Variants in RNF111 observed in about 807,000 individuals in gnomAD.
RNF111 encodes the protein E3 ubiquitin-protein ligase Arkadia.
Under a neutral mutation model 95.1 loss-of-function variants are expected in RNF111, and 17 were observed. The observed-to-expected ratio is 0.18, with a 90% CI of 0.12 to 0.27. The LOEUF (loss-of-function observed/expected upper bound fraction) is 0.27, where lower values mean the gene tolerates loss of function less well. RNF111 is among the 10% of genes least tolerant of loss of function. The pLI is 1.00. For synonymous variants in RNF111, 440 were observed against 414.8 expected (o/e 1.06, Z -0.74); for missense variants, 1,189 against 1,210.4 (o/e 0.98, Z 0.26).
intron 1 of RNF111, among the ~76,000 whole-genome samples, chr15:58,989,683 A>G (rs1298593260): frequency 6.6e-6 from 1 of 152,202 alleles, no homozygotes; most frequent in Non-Finnish European, 1.5e-5. Context: ...ATCTTAACGA[A>G]TTTCACTTTG....
intron 1 of RNF111, among the ~76,000 whole-genome samples, chr15:59,022,126 C>G (rs1390821646): frequency 6.6e-6 from 1 of 152,106 alleles, no homozygotes; most frequent in Non-Finnish European, 1.5e-5. Flanking sequence ...GCCCAAAGTG[C>G]TGGGATTACA....
intron 6 of RNF111, among the ~76,000 whole-genome samples, chr15:59,073,859 A>G (rs1321227652): frequency 1.3e-5 from 2 of 152,184 alleles, no homozygotes; most frequent in East Asian, 1.9e-4. Context: ...TATTTCTTTA[A>G]TAGTAAGACT....
Position 59,031,205 on chromosome 15 carries a change from A to G in RNF111, c.383A>G (p.Glu128Gly). ...LRQHLGTPSD[E>G]DNDSSFSDCL... ...CAACACCTAGGGACACCAAGTGATG[A>G]AGATAATGATTCCTCTTTTAGTGAT... The change falls in exon 2 of 14, where the codon GAA becomes GGA. Residue 128 changes from glutamate to glycine, a missense_variant. This residue lies in a region of RNF111 where 1,024 missense variants were observed against 925.9 expected (regional missense o/e 1.11). Coordinates refer to ENST00000348370, the MANE Select transcript of RNF111 (RefSeq NM_017610.8). 1 of 1,614,232 alleles carries G rather than the reference A, an allele frequency of 6.2e-7. No individual in the cohort carries two copies. The highest frequency in any genetic ancestry group is 8.5e-7 in the Non-Finnish European group (1 of 1,180,032).
rs900290261 is a variant in RNF111, at chr15:59,096,020, G to A, written c.*1120G>A. On this transcript the variant is annotated 3_prime_UTR_variant, in exon 14 of 14. Coordinates refer to ENST00000348370, the MANE Select transcript of RNF111 (RefSeq NM_017610.8). ...ACAGTAAATCTGCAGATACTGTGAG[G>A]CACAAATTATACTGTCAACCTACTG... 2.5e-6 allele frequency: 1 copy of A among 398,526 alleles called. No homozygotes were observed. The highest frequency in any genetic ancestry group is 3.6e-5 in the East Asian group (1 of 27,960). The allele number at this position is 398,526 out of a possible 1,614,324, so 24.7% of individuals were successfully genotyped here.
At chr15:59,069,415 CAA>C (rs764199938) in intron 6 of RNF111, among the ~76,000 whole-genome samples, 1 of 152,030 alleles carries the variant, frequency 6.6e-6, no homozygotes, top group Non-Finnish European at 1.5e-5. Flanking sequence ...AAAGAGCTGC[CAA>C]AAGTCTCATT....
chr15:59,003,612 G>T (rs1367794215), intron 1 of RNF111, among the ~76,000 whole-genome samples: 2 of 152,146 alleles, frequency 1.3e-5, no homozygotes, highest in Non-Finnish European at 2.9e-5. Context: ...GTGTTGCCCA[G>T]GCTGGTCTTG....
At chr15:59,066,208 G>T (rs555151736) in intron 5 of RNF111, among the ~76,000 whole-genome samples, 3 of 152,144 alleles carry the variant, frequency 2.0e-5, no homozygotes, top group Non-Finnish European at 4.4e-5. Context: ...ATGATCTATT[G>T]CCATACTTAC....
At chr15:58,989,375 T>A (rs1257907807) in intron 1 of RNF111, among the ~76,000 whole-genome samples, 1 of 152,244 alleles carries the variant, frequency 6.6e-6, no homozygotes, top group Non-Finnish European at 1.5e-5. Context: ...CAAATGACTT[T>A]ATCATCTCTC....
At chr15:59,049,284 T>C (rs1343112067) in intron 2 of RNF111, 4 of 152,260 alleles carry the variant, frequency 2.6e-5, no homozygotes, top group African/African-American at 9.7e-5. Context: ...AGTTTTTGTC[T>C]TTTTATGACT....
intron 1 of RNF111, among the ~76,000 whole-genome samples, chr15:58,997,205 CTT>C (rs1335952828): frequency 8.5e-5 from 13 of 152,222 alleles, no homozygotes; most frequent in African/African-American, 2.9e-4. Context: ...TGACCCAAGT[CTT>C]TTCTCTGAAG....
At position 59,095,277 on chromosome 15, in the gene RNF111, A is replaced by G. The variant is rs1188344205; in HGVS notation, c.*377A>G. On this transcript the variant is annotated 3_prime_UTR_variant, in exon 14 of 14. Transcript: ENST00000348370. The stretch of plus-strand genomic sequence containing the variant: ...TACATAGTACCAAGCCTTGATAATT[A>G]TGAATTTTTTATCCATTACTAACCT... The G allele has an allele frequency of 5.2e-6, 1 of 192,178 alleles. No homozygotes were observed. Among genetic ancestry groups the G allele is most frequent in the East Asian group, 1.8e-4 (1 of 5,560 alleles). The allele number at this position is 192,178 out of a possible 1,614,324, so 11.9% of individuals were successfully genotyped here.
intron 2 of RNF111, among the ~76,000 whole-genome samples, chr15:59,042,307 A>G (rs2141873329): frequency 6.6e-6 from 1 of 151,974 alleles, no homozygotes; most frequent in East Asian, 1.9e-4. Flanking sequence ...TTATATTTTT[A>G]GGAGGGATGA....
In RNF111 at chr15:59,066,992, T is replaced by G. The variant is rs2042685552; in HGVS notation, c.1595T>G (p.Phe532Cys). 6.2e-7 allele frequency: 1 copy of G among 1,614,100 alleles called. No homozygotes were observed. The change falls in exon 6 of 14, where the codon TTT (phenylalanine) becomes TGT (cysteine). Residue 532 changes from phenylalanine to cysteine, a missense_variant. Physicochemically the swap from Phe to Cys is radical, Grantham distance 205. Transcript: ENST00000348370. ...PHPAVPVSPS[F>C]SDPACPVERP... ...CCAGCTGTCCCAGTTTCTCCTTCCT[T>G]TAGTGATCCTGCTTGCCCTGTGGAA...
intron 1 of RNF111, among the ~76,000 whole-genome samples, chr15:58,993,233 G>C (rs1480407070): frequency 6.6e-6 from 1 of 151,664 alleles, no homozygotes; most frequent in African/African-American, 2.4e-5. Context: ...AAGTGGCCAG[G>C]TATAGTGGCT....
At chr15:59,068,408 A>G (rs1206305557) in intron 6 of RNF111, among the ~76,000 whole-genome samples, 1 of 152,140 alleles carries the variant, frequency 6.6e-6, no homozygotes, top group Non-Finnish European at 1.5e-5. Flanking sequence ...GAAGTTCAAG[A>G]CCAGCCTGGC....
chr15:59,094,856 A>T lies in RNF111; in HGVS notation c.2917A>T (p.Ile973Leu). The T allele has an allele frequency of 6.2e-7, 1 of 1,613,036 alleles. No individual in the cohort carries two copies. Among genetic ancestry groups the T allele is most frequent in the Non-Finnish European group, 8.5e-7 (1 of 1,179,262 alleles). The change falls in exon 14 of 14, where the codon ATA (isoleucine) becomes TTA (leucine). Residue 973 changes from isoleucine (I) to leucine (L), a missense_variant. Physicochemically the swap from Ile to Leu is conservative, Grantham distance 5. Around this residue, in one of 2 missense-constraint regions of RNF111, gnomAD observed 165 missense variants for 284.6 expected, o/e 0.58. Coordinates refer to ENST00000348370, the MANE Select transcript of RNF111 (RefSeq NM_017610.8). ...QWLITNKKCP[I>L]CRVDIEAQLP... The stretch of plus-strand genomic sequence containing the variant: ...GTTGATTACCAATAAGAAGTGCCCC[A>T]TATGCAGAGTGGACATTGAGGCCCA...
At chr15:59,053,722 A>T (rs1202178092) in intron 3 of RNF111, among the ~76,000 whole-genome samples, 1 of 152,118 alleles carries the variant, frequency 6.6e-6, no homozygotes, top group East Asian at 1.9e-4. Flanking sequence ...AGCTGTAAGG[A>T]CTACTGAAAT....
At chr15:59,071,298 C>CA (rs35775103) in intron 6 of RNF111, among the ~76,000 whole-genome samples, 5,916 of 94,912 alleles carry the variant, frequency 0.062, 467 homozygotes, top group African/African-American at 0.2. Context: ...GACTCCATCT[C>CA]AAAAAAAAAA....
At chr15:59,081,686 C>G (rs1020950937) in intron 8 of RNF111, among the ~76,000 whole-genome samples, 3 of 152,064 alleles carry the variant, frequency 2.0e-5, no homozygotes, top group African/African-American at 4.8e-5. Flanking sequence ...CCACTGCACT[C>G]TAGCTTAGGT....
Sources: allele counts gnomAD v4.1 joint callset (sites outside exome capture counted in the v4.1 genomes callset), GRCh38; gene constraint gnomAD v4.1.1; regional missense constraint gnomAD v4.1.1; transcripts MANE v1.5; gene names NCBI Gene and HGNC (gene_info 2026-07-23, HGNC 2026-07-21).